Variants in OSGIN2 observed in about 807,000 individuals in gnomAD.
OSGIN2 encodes oxidative stress induced growth inhibitor family member 2.
OSGIN2 carries 19 observed loss-of-function variants against 53.8 expected under a neutral mutation model. That is an observed-to-expected ratio of 0.35 (90% CI 0.25 to 0.52). The LOEUF (loss-of-function observed/expected upper bound fraction) is 0.52, where lower values mean the gene tolerates loss of function less well. Among genes scored for constraint, OSGIN2 ranks in the 20% least tolerant of loss-of-function variants. OSGIN2 has a pLI of 0.95. For missense variants in OSGIN2, 520 were observed against 662.7 expected, an observed-to-expected ratio of 0.78 and a Z score of 2.36; for synonymous variants, 236 against 236.0, an observed-to-expected ratio of 1.00 and a Z score of 0.00.
At position 89,925,314 on chromosome 8, in the gene OSGIN2, A is replaced by G. The variant is rs1340312262; in HGVS notation, c.1432A>G (p.Ser478Gly). The change falls in exon 6 of 6, where the codon AGC (serine) becomes GGC (glycine). Residue 478 changes from serine (S) to glycine (G), a missense_variant. Around this residue, in one of 3 missense-constraint regions of OSGIN2, gnomAD observed 239 missense variants for 328.3 expected, o/e 0.73. Coordinates refer to ENST00000451899, the MANE Select transcript of OSGIN2 (RefSeq NM_001126111.3). ...AGGGTGTTACCTAGGCCATAAGTCA[A>G]GCCAGCCAATCACATGTAAGGGTAA... ...DQGCYLGHKS[S>G]QPITCKGNPV... is the part of the protein sequence containing the mutation. 4 of 1,614,042 alleles carry G rather than the reference A, an allele frequency of 2.5e-6. No individual in the cohort carries two copies. Among genetic ancestry groups the G allele is most frequent in the Non-Finnish European group, 3.4e-6 (4 of 1,180,002 alleles).
chr8:89,925,679 G>A lies in OSGIN2; in HGVS notation c.*147G>A. 1.6e-6 allele frequency: 1 copy of A among 611,472 alleles called. No individual in the cohort carries two copies. The highest frequency in any genetic ancestry group is 2.8e-5 in the East Asian group (1 of 36,352). The allele number at this position is 611,472 out of a possible 1,614,324, so 37.9% of individuals were successfully genotyped here. ...GTAACTTCATTTTTAAAAGTTACTA[G>A]AATTTGGTATCCTGATTTATATTGC... On this transcript the variant is annotated 3_prime_UTR_variant, in exon 6 of 6. Coordinates refer to ENST00000451899, the MANE Select transcript of OSGIN2 (RefSeq NM_001126111.3).
Position 89,917,637 on chromosome 8 carries a change from T to C in OSGIN2, c.528+2891T>C, listed in dbSNP as rs117039662. ...TTTGATATTTCCTTATTAACTTCTT[T>C]TCAAACCTTTATCTCTTTTTTTTCT... On this transcript the variant is annotated intron_variant, in intron 4 of 5. Transcript: ENST00000451899. Among the ~76,000 whole-genome samples the C allele has an allele frequency of 3.3e-5, 5 of 152,346 alleles. No individual in the cohort carries two copies. The East Asian group carries it at 9.6e-4, about 29-fold the overall frequency.
chr8:89,905,332 C>A (rs547004987), intron 1 of OSGIN2, among the ~76,000 whole-genome samples: 9 of 152,212 alleles, frequency 5.9e-5, no homozygotes, highest in African/African-American at 2.2e-4. Flanking sequence ...TGTAATTGTA[C>A]ATATTTTCCA....
intron 4 of OSGIN2, among the ~76,000 whole-genome samples, chr8:89,920,830 A>C (rs996622195): frequency 6.6e-6 from 1 of 152,200 alleles, no homozygotes; most frequent in Non-Finnish European, 1.5e-5. Context: ...AATATTGTAA[A>C]TTTGTTTTAT....
At chr8:89,916,199 G>A (rs761962850) in intron 4 of OSGIN2, among the ~76,000 whole-genome samples, 6 of 152,014 alleles carry the variant, frequency 3.9e-5, no homozygotes, top group Non-Finnish European at 7.4e-5. Context: ...CATTTTTTCC[G>A]CTTAGAAGAA....
At chr8:89,908,179 T>C (rs1808878224) in intron 1 of OSGIN2, among the ~76,000 whole-genome samples, 1 of 152,126 alleles carries the variant, frequency 6.6e-6, no homozygotes, top group South Asian at 2.1e-4. Flanking sequence ...TCAGAGGCAG[T>C]AGTTGGAATG....
intron 2 of OSGIN2, among the ~76,000 whole-genome samples, chr8:89,910,721 G>T (rs560459252): frequency 3.9e-5 from 6 of 152,268 alleles, no homozygotes; most frequent in African/African-American, 1.4e-4. Flanking sequence ...GAGGAATCCT[G>T]TCTTCTTGTG....
Position 89,924,824 on chromosome 8 carries a change from T to C in OSGIN2, c.942T>C (p.His314=), listed in dbSNP as rs1809282749. The C allele has an allele frequency of 6.2e-7, 1 of 1,614,178 alleles. No individual in the cohort carries two copies. The highest frequency in any genetic ancestry group is 8.5e-7 in the Non-Finnish European group (1 of 1,180,008). Residue 314 remains histidine, a synonymous_variant, in exon 6 of 6, where the codon CAT becomes CAC. Transcript: ENST00000451899. ...LATGTLDSPA[H]LEIEGEDFPF... ...CTGGAACGCTGGATTCTCCTGCCCA[T>C]CTGGAAATTGAAGGGGAAGATTTTC...
At chr8:89,923,820 C>T (rs1047115561) in intron 5 of OSGIN2, among the ~76,000 whole-genome samples, 2 of 152,176 alleles carry the variant, frequency 1.3e-5, no homozygotes. Flanking sequence ...TGCTTCTTAT[C>T]TCTGATTGGG....
chr8:89,925,836 A>G lies in OSGIN2; in HGVS notation c.*304A>G. 1 of 278,328 alleles carries G rather than the reference A, an allele frequency of 3.6e-6. No homozygotes were observed. Among genetic ancestry groups the G allele is most frequent in the South Asian group, 5.6e-5 (1 of 17,988 alleles). The allele number at this position is 278,328 out of a possible 1,614,324, so 17.2% of individuals were successfully genotyped here. On this transcript the variant is annotated 3_prime_UTR_variant, in exon 6 of 6. Transcript: ENST00000451899. ...ATGATCATTTTTGGTTATTTATTAT[A>G]CTTGATTCCAAAATAGTACAGCCTT... is the stretch of plus-strand genomic sequence containing the variant.
chr8:89,918,785 T>G (rs1245844942), intron 4 of OSGIN2, among the ~76,000 whole-genome samples: 1 of 152,248 alleles, frequency 6.6e-6, no homozygotes, highest in African/African-American at 2.4e-5. Context: ...GCCAGGAACC[T>G]GAGAGTCTTC....
intron 4 of OSGIN2, among the ~76,000 whole-genome samples, chr8:89,918,994 C>T (rs1291816954): frequency 6.6e-6 from 1 of 152,200 alleles, no homozygotes; most frequent in Non-Finnish European, 1.5e-5. Flanking sequence ...CAAAGCCAGA[C>T]TCATCTTTCT....
chr8:89,902,736 C>T lies in OSGIN2; in HGVS notation c.-58C>T, dbSNP rs887241120. 8 of 1,072,520 alleles carry T rather than the reference C, an allele frequency of 7.5e-6. No homozygotes were observed. The African/African-American group carries it at 8.4e-5, about 11-fold the overall frequency. 66.4% of individuals were successfully genotyped at this position (1,072,520 alleles called of 1,614,324 possible). A position where few individuals can be genotyped will look rare whatever the true frequency, so the allele number is the denominator to read the frequency against. On this transcript the variant is annotated 5_prime_UTR_variant, in exon 1 of 6. Coordinates refer to ENST00000451899, the MANE Select transcript of OSGIN2 (RefSeq NM_001126111.3). The stretch of plus-strand genomic sequence containing the variant: ...GGGCGCCCCGAGCGGGCAGCCTCGC[C>T]GGGGGAGGCGGAGGCGGCCACGGCG...
At chr8:89,921,271 A>T (rs1005275505) in intron 5 of OSGIN2, 100 bp downstream of exon 5, 3 of 669,152 alleles carry the variant, frequency 4.5e-6, no homozygotes, top group Non-Finnish European at 7.9e-6. Flanking sequence ...TGAAGAATAT[A>T]AATGTACGTC....
At chr8:89,902,872 CG>C in intron 1 of OSGIN2, 35 bp downstream of exon 1, 2 of 1,322,640 alleles carry the variant, frequency 1.5e-6, no homozygotes, top group South Asian at 1.9e-5. Context: ...GGGGAGCAGG[CG>C]GGGATGCCGC....
intron 4 of OSGIN2, among the ~76,000 whole-genome samples, chr8:89,916,183 T>G (rs1278990150): frequency 2.0e-5 from 3 of 152,210 alleles, no homozygotes; most frequent in Non-Finnish European, 4.4e-5. Context: ...GGTTTTATTT[T>G]ACTTACATTT....
At chr8:89,921,048 GA>G (rs752150730) in intron 4 of OSGIN2, 31 bp from the exon 5 acceptor site, 1 of 1,277,556 alleles carries the variant, frequency 7.8e-7, no homozygotes, top group Non-Finnish European at 1.1e-6. Flanking sequence ...CTTGTTTTTT[GA>G]CGGTACATTT....
chr8:89,904,336 A>T (rs1808791987), intron 1 of OSGIN2, among the ~76,000 whole-genome samples: 1 of 152,182 alleles, frequency 6.6e-6, no homozygotes. Flanking sequence ...TATTCTTTTG[A>T]CTAATACTGG....
chr8:89,902,116 A>C (rs1471765639), upstream of OSGIN2: 1 of 152,256 alleles, frequency 6.6e-6, no homozygotes, highest in Non-Finnish European at 1.5e-5. Flanking sequence ...GCGCGAGGAA[A>C]TGCCCAAAGG....
Sources: gnomAD v4.1 joint callset for allele counts (sites outside exome capture counted in the v4.1 genomes callset) on GRCh38, gnomAD v4.1.1 for gene constraint, gnomAD v4.1.1 regional missense constraint, MANE v1.5 for transcripts, NCBI Gene and HGNC (gene_info 2026-07-23, HGNC 2026-07-21) for gene names.